ADGRL2: variants seen among roughly 807,000 people sequenced by gnomAD.
ADGRL2 encodes the protein adhesion G protein-coupled receptor L2, also known as calcium-independent alpha-latrotoxin receptor 2.
ADGRL2 carries 44 observed loss-of-function variants against 157.4 expected under a neutral mutation model. The observed-to-expected ratio is 0.28, with a 90% CI of 0.22 to 0.36. ADGRL2 has a LOEUF of 0.36. ADGRL2 is among the 10% of genes least tolerant of loss of function. The pLI, the probability that ADGRL2 is intolerant of heterozygous loss-of-function variation, is 1.00. For synonymous variants in ADGRL2, 585 were observed against 624.7 expected (o/e 0.94, Z 0.95); for missense variants, 1,510 against 1,768.9 (o/e 0.85, Z 2.63).
intron 10 of ADGRL2, among the ~76,000 whole-genome samples, chr1:81,953,727 C>A (rs953947774): frequency 4.6e-5 from 7 of 152,076 alleles, no homozygotes; most frequent in African/African-American, 1.7e-4. Context: ...AATAATAATA[C>A]CAAATTGCAT....
intron 2 of ADGRL2, among the ~76,000 whole-genome samples, chr1:81,522,108 G>T (rs1334635029): frequency 6.6e-6 from 1 of 151,804 alleles, no homozygotes; most frequent in Non-Finnish European, 1.5e-5. Flanking sequence ...GGGATTACAG[G>T]CGCACACCAC....
At chr1:81,953,733 T>G (rs1005433786) in intron 10 of ADGRL2, among the ~76,000 whole-genome samples, 9 of 152,140 alleles carry the variant, frequency 5.9e-5, no homozygotes, top group Non-Finnish European at 1.0e-4. Flanking sequence ...AATACCAAAT[T>G]GCATTTTGTT....
intron 2 of ADGRL2, among the ~76,000 whole-genome samples, chr1:81,518,340 C>T (rs1242040078): frequency 6.6e-6 from 1 of 152,190 alleles, no homozygotes; most frequent in African/African-American, 2.4e-5. Flanking sequence ...TATATTAATA[C>T]ACATCGAACA....
chr1:81,727,582 G>A (rs140017579), intron 1 of ADGRL2, among the ~76,000 whole-genome samples: 2,497 of 151,906 alleles, frequency 0.016, 66 homozygotes, highest in African/African-American at 0.057. Context: ...ACAGGCACGC[G>A]CCACCATACC....
intron 3 of ADGRL2, among the ~76,000 whole-genome samples, chr1:81,668,898 A>G (rs2082810050): frequency 6.6e-6 from 1 of 152,026 alleles, no homozygotes; most frequent in Admixed American, 6.6e-5. Flanking sequence ...AAGATTAATG[A>G]TGATCAACAC....
chr1:81,451,087 T>C (rs1168552585), intron 2 of ADGRL2, among the ~76,000 whole-genome samples: 2 of 152,206 alleles, frequency 1.3e-5, no homozygotes, highest in African/African-American at 4.8e-5. Flanking sequence ...ATACTTCATG[T>C]TCTTACACAC....
intron 2 of ADGRL2, among the ~76,000 whole-genome samples, chr1:81,572,966 A>T (rs2080725769): frequency 6.6e-6 from 1 of 151,288 alleles, no homozygotes; most frequent in South Asian, 2.1e-4. Flanking sequence ...TACCAAATAT[A>T]GTTTGAGAAA....
rs1345847160 is a variant in ADGRL2 at position 81,322,113 on chromosome 1, C to CATAT, written c.-302+15612_-302+15615dup. ...ATATATATATATATATATATATACA[C>CATAT]ATATATATATACACACACACACGTA... On this transcript the variant is annotated intron_variant, in intron 1 of 24. Coordinates refer to the ADGRL2 transcript ENST00000370721. Among the ~76,000 whole-genome samples the CATAT allele has an allele frequency of 2.0e-3, 225 of 112,006 alleles. 3 individuals carry two copies. The highest frequency in any genetic ancestry group is 1.0e-2 in the East Asian group (39 of 3,910). 73.5% of individuals were successfully genotyped at this position (112,006 alleles called of 152,430 possible).
chr1:81,395,613 G>T (rs891735150), intron 1 of ADGRL2, among the ~76,000 whole-genome samples: 1 of 152,038 alleles, frequency 6.6e-6, no homozygotes, highest in African/African-American at 2.4e-5. Context: ...TAAAATCTTT[G>T]TCCAGGCCAA....
chr1:81,360,330 G>A (rs1193407787), intron 1 of ADGRL2, among the ~76,000 whole-genome samples: 2 of 151,760 alleles, frequency 1.3e-5, no homozygotes, highest in Non-Finnish European at 2.9e-5. Flanking sequence ...TTTCATCAAA[G>A]AGACTTTTCC....
chr1:81,813,932 A>G (rs910036119), intron 1 of ADGRL2, among the ~76,000 whole-genome samples: 1 of 151,676 alleles, frequency 6.6e-6, no homozygotes, highest in Admixed American at 6.6e-5. Flanking sequence ...GGTTACTGGA[A>G]AGGCACAGCT....
chr1:81,769,053 A>T (rs1351764108), intron 2 of ADGRL2, among the ~76,000 whole-genome samples: 1 of 151,990 alleles, frequency 6.6e-6, no homozygotes, highest in Non-Finnish European at 1.5e-5. Flanking sequence ...ACTGCACTGC[A>T]GTCTGGGCGA....
chr1:81,637,457 A>C (rs1557526080), intron 3 of ADGRL2, among the ~76,000 whole-genome samples: 1 of 152,292 alleles, frequency 6.6e-6, no homozygotes, highest in African/African-American at 2.4e-5. Context: ...CACTTAGCAC[A>C]GCTGAAAAAC....
chr1:81,565,409 T>C (rs1343083184), intron 2 of ADGRL2, among the ~76,000 whole-genome samples: 1 of 152,194 alleles, frequency 6.6e-6, no homozygotes, highest in Admixed American at 6.5e-5. Flanking sequence ...ATGAACTGTG[T>C]TGTTAACAGT....
intron 2 of ADGRL2, among the ~76,000 whole-genome samples, chr1:81,464,176 T>C (rs1170669045): frequency 6.6e-6 from 1 of 152,136 alleles, no homozygotes; most frequent in Non-Finnish European, 1.5e-5. Flanking sequence ...TTTTTTTCCT[T>C]CTCTTTCTTT....
intron 3 of ADGRL2, chr1:81,596,354 T>C: frequency 1.9e-6 from 1 of 523,460 alleles, no homozygotes; most frequent in Non-Finnish European, 3.7e-6. Context: ...GAACTTGTCC[T>C]TTCACTTCGA....
chr1:81,383,808 C>CAAAAA (rs56660027), intron 1 of ADGRL2, among the ~76,000 whole-genome samples: 1 of 104,318 alleles, frequency 9.6e-6, no homozygotes, highest in Non-Finnish European at 1.9e-5. Context: ...ACTAAAAATA[C>CAAAAA]AAAAAAAAAA....
At chr1:81,354,413 AT>A (rs1663130676) in intron 1 of ADGRL2, among the ~76,000 whole-genome samples, 1 of 152,196 alleles carries the variant, frequency 6.6e-6, no homozygotes, top group South Asian at 2.1e-4. Context: ...CTTTTTGAAC[AT>A]TGTGTTTTCT....
chr1:81,349,705 C>T (rs1439667207), intron 1 of ADGRL2, among the ~76,000 whole-genome samples: 1 of 151,758 alleles, frequency 6.6e-6, no homozygotes, highest in African/African-American at 2.4e-5. Flanking sequence ...CAAGCATTCT[C>T]TCATCAGCAC....
Sources: gnomAD v4.1 joint callset for allele counts (sites outside exome capture counted in the v4.1 genomes callset) on GRCh38, gnomAD v4.1.1 for gene constraint, MANE v1.5 for transcripts, NCBI Gene and HGNC (gene_info 2026-07-23, HGNC 2026-07-21) for gene names.